Variants in LMO3 observed in about 807,000 individuals in gnomAD.
LMO3 encodes LIM domain only protein 3.
A neutral mutation model predicts 15.8 loss-of-function variants in LMO3; 2 were observed. That is an observed-to-expected ratio of 0.13 (90% CI 0.05 to 0.40). The LOEUF (loss-of-function observed/expected upper bound fraction) is 0.40. LMO3 is among the 10% of genes least tolerant of loss of function. LMO3 has a pLI of 0.99. For missense variants in LMO3, 86 were observed against 182.2 expected (o/e 0.47, Z 3.04); for synonymous variants, 62 against 63.8 (o/e 0.97, Z 0.13).
At chr12:16,605,444 C>A (rs866982907) in intron 1 of LMO3, 65 of 775,496 alleles carry the variant, frequency 8.4e-5, no homozygotes, top group East Asian at 1.4e-4. Context: ...CTGCCCCCCC[C>A]CCCCGCCCCC....
intron 2 of LMO3, chr12:16,594,349 A>G: frequency 1.5e-6 from 2 of 1,300,622 alleles, no homozygotes; most frequent in Non-Finnish European, 1.0e-6. Flanking sequence ...AAAATAAAAA[A>G]GAAAGAAAAA....
Position 16,585,936 on chromosome 12 carries a change from C to T in LMO3, c.206+14719G>A, listed in dbSNP as rs12366554. On this transcript the variant is annotated intron_variant, in intron 2 of 3. Coordinates refer to ENST00000537304, the MANE Select transcript of LMO3 (RefSeq NM_018640.5). This position sits in a 1 kb window ranked among gnomAD's most constrained non-coding sequence, Gnocchi z 4.7. Reference sequence around the variant, plus strand: ...AATCTTGCTTATCCTAAGATCTGGGCGACATTTCACCAGTGAGGCGGTAGG... The same window carrying T: ...AATCTTGCTTATCCTAAGATCTGGGTGACATTTCACCAGTGAGGCGGTAGG... 3.0e-4 allele frequency among the ~76,000 whole-genome samples: 45 copies of T among 152,166 alleles called. No homozygotes were observed. The East Asian group carries it at 4.8e-3, about 16-fold the overall frequency.
At chr12:16,594,089 G>A (rs533832882) in intron 2 of LMO3, 37 of 1,515,952 alleles carry the variant, frequency 2.4e-5, no homozygotes, top group South Asian at 2.3e-4. Context: ...CAATATTAAC[G>A]AATTAGCTGG....
intron 2 of LMO3, among the ~76,000 whole-genome samples, chr12:16,588,145 T>C (rs1943378698): frequency 6.6e-6 from 1 of 152,138 alleles, no homozygotes. Flanking sequence ...CAAGAAATGC[T>C]TAAAAAATTA....
At chr12:16,579,949 T>C (rs1267606737) in intron 2 of LMO3, among the ~76,000 whole-genome samples, 1 of 152,214 alleles carries the variant, frequency 6.6e-6, no homozygotes, top group Non-Finnish European at 1.5e-5. Flanking sequence ...TTAAGTAATG[T>C]TGCACAGGGT....
In LMO3 at chr12:16,590,904, T is replaced by C. The variant is rs555757060; in HGVS notation, c.206+9751A>G. 3.9e-5 allele frequency among the ~76,000 whole-genome samples: 6 copies of C among 152,074 alleles called. No homozygotes were observed. The East Asian group carries it at 1.2e-3, about 29-fold the overall frequency. On this transcript the variant is annotated intron_variant, in intron 2 of 3. Coordinates refer to ENST00000537304, the MANE Select transcript of LMO3 (RefSeq NM_018640.5). Reference sequence around the variant, plus strand: ...TTCATATTTCACAACTATTACTTAATCACACAGGGTCATCAATGGGGCCAA... The same window carrying C: ...TTCATATTTCACAACTATTACTTAACCACACAGGGTCATCAATGGGGCCAA...
chr12:16,604,692 G>T lies in LMO3; in HGVS notation c.-9+1374C>A. 4 of 682,738 alleles carry T rather than the reference G, an allele frequency of 5.9e-6. No homozygotes were observed. The highest frequency in any genetic ancestry group is 9.9e-6 in the Non-Finnish European group (4 of 403,532). 42.3% of individuals were successfully genotyped at this position (682,738 alleles called of 1,614,324 possible). On this transcript the variant is annotated intron_variant, in intron 1 of 3. Transcript: ENST00000537304. This position sits in a 1 kb window ranked among gnomAD's most constrained non-coding sequence, Gnocchi z 5.3. ...GTTTGCAAAGAATGTAGCAGTATTT[G>T]TTGCATCTAGCAAGATTAATTGGTT...
In LMO3 at chr12:16,549,274, T is replaced by C. The variant is rs1275299053; in HGVS notation, c.*1948A>G. The C allele has an allele frequency of 1.3e-5, 2 of 152,162 alleles. No homozygotes were observed. Among genetic ancestry groups the C allele is most frequent in the Admixed American group, 1.3e-4 (2 of 15,260 alleles). The allele number at this position is 152,162 out of a possible 1,614,324, so 9.4% of individuals were successfully genotyped here. A position where few individuals can be genotyped will look rare whatever the true frequency, so the allele number is the denominator to read the frequency against. On this transcript the variant is annotated 3_prime_UTR_variant, in exon 4 of 4. Transcript: ENST00000537304. ...AAGGCTCTAAGGCTAAAATAATAGT[T>C]ATTTTTGTGGGCCCCAAATAGCTAC...
chr12:16,592,612 C>G (rs773147524), intron 2 of LMO3, among the ~76,000 whole-genome samples: 1 of 151,868 alleles, frequency 6.6e-6, no homozygotes, highest in Non-Finnish European at 1.5e-5. Context: ...AGGTACTGAT[C>G]CACTCATGTT....
intron 2 of LMO3, among the ~76,000 whole-genome samples, chr12:16,590,558 G>A (rs1273420763): frequency 6.6e-6 from 1 of 151,464 alleles, no homozygotes; most frequent in African/African-American, 2.4e-5. Context: ...AAAATTAATG[G>A]CCTTTGAAAA....
At position 16,597,355 on chromosome 12, in the gene LMO3, AATT is replaced by A. The variant is rs910315074; in HGVS notation, c.206+3297_206+3299del. On this transcript the variant is annotated intron_variant, in intron 2 of 3. Coordinates refer to ENST00000537304, the MANE Select transcript of LMO3 (RefSeq NM_018640.5). The surrounding 1 kb of genome is among the most constrained non-coding windows in gnomAD (Gnocchi z 5.0). ...CCTTAAGAAAATATCTTACAGTCTA[AATT>A]ATTATATTTTCATATTATTTAATAT... is the stretch of plus-strand genomic sequence containing the variant. Among the ~76,000 whole-genome samples the A allele has an allele frequency of 2.0e-5, 3 of 151,754 alleles. No homozygotes were observed. The highest frequency in any genetic ancestry group is 3.0e-5 in the Non-Finnish European group (2 of 67,752).
intron 2 of LMO3, among the ~76,000 whole-genome samples, chr12:16,583,199 T>A (rs756793348): frequency 2.0e-5 from 3 of 152,088 alleles, no homozygotes; most frequent in Non-Finnish European, 4.4e-5. Context: ...AGCAATTGGA[T>A]GTCAGTAACA....
intron 2 of LMO3, among the ~76,000 whole-genome samples, chr12:16,563,290 T>C (rs1942468135): frequency 1.3e-5 from 2 of 152,170 alleles, no homozygotes; most frequent in African/African-American, 4.8e-5. Flanking sequence ...GATCATTCTA[T>C]AGCTACATTC....
chr12:16,553,958 C>A (rs1326515165), intron 3 of LMO3, among the ~76,000 whole-genome samples: 1 of 151,598 alleles, frequency 6.6e-6, no homozygotes, highest in Non-Finnish European at 1.5e-5. Flanking sequence ...TAAACATAAT[C>A]TTTCTTGTAA....
In LMO3 at chr12:16,594,417, T is replaced by C. The variant is rs369390264; in HGVS notation, c.206+6238A>G. Reference sequence around the variant, plus strand: ...GAGTTTTATAAAAATACCTAGCAAATTGAACAGAGTATTGCTATTTTTATT... The same window carrying C: ...GAGTTTTATAAAAATACCTAGCAAACTGAACAGAGTATTGCTATTTTTATT... On this transcript the variant is annotated intron_variant, in intron 2 of 3. Transcript: ENST00000537304. The C allele has an allele frequency of 6.3e-4, 357 of 563,798 alleles. 3 individuals carry two copies. Among genetic ancestry groups the C allele is most frequent in the Middle Eastern group, 1.4e-3 (3 of 2,202 alleles). The allele number at this position is 563,798 out of a possible 1,614,324, so 34.9% of individuals were successfully genotyped here. A position where few individuals can be genotyped will look rare whatever the true frequency, so the allele number is the denominator to read the frequency against.
chr12:16,596,623 A>T lies in LMO3; in HGVS notation c.206+4032T>A, dbSNP rs1176000813. Reference sequence around the variant, plus strand: ...AAGTTGAAAAAGAAAGTATTTTGGTATTTCTCCTAGTTCTATTTAATGCTT... The same window carrying T: ...AAGTTGAAAAAGAAAGTATTTTGGTTTTTCTCCTAGTTCTATTTAATGCTT... On this transcript the variant is annotated intron_variant, in intron 2 of 3. Transcript: ENST00000537304. This position sits in a 1 kb window ranked among gnomAD's most constrained non-coding sequence, Gnocchi z 4.3. Among the ~76,000 whole-genome samples, 1 of 151,670 alleles carries T rather than the reference A, an allele frequency of 6.6e-6. No individual in the cohort carries two copies. Among genetic ancestry groups the T allele is most frequent in the Non-Finnish European group, 1.5e-5 (1 of 67,668 alleles).
At chr12:16,605,303 G>C (rs1382199362) in intron 1 of LMO3, 2 of 1,170,176 alleles carry the variant, frequency 1.7e-6, no homozygotes, top group African/African-American at 1.6e-5. Flanking sequence ...AATCTGACTT[G>C]TATTTCATAA....
In LMO3 at chr12:16,582,873, C is replaced by T. The variant is rs1229477362; in HGVS notation, c.206+17782G>A. On this transcript the variant is annotated intron_variant, in intron 2 of 3. Coordinates refer to ENST00000537304, the MANE Select transcript of LMO3 (RefSeq NM_018640.5). This position sits in a 1 kb window ranked among gnomAD's most constrained non-coding sequence, Gnocchi z 4.1. ...GACCAGCCTGGCCAACATGGCGAAA[C>T]CCCGTCTCTACTAAAATAAAAAAAT... Among the ~76,000 whole-genome samples, 2 of 151,920 alleles carry T rather than the reference C, an allele frequency of 1.3e-5. No individual in the cohort carries two copies. Among genetic ancestry groups the T allele is most frequent in the East Asian group, 3.9e-4 (2 of 5,166 alleles).
At chr12:16,578,589 G>T (rs1001033388) in intron 2 of LMO3, among the ~76,000 whole-genome samples, 1 of 152,074 alleles carries the variant, frequency 6.6e-6, no homozygotes, top group Non-Finnish European at 1.5e-5. Context: ...AGGCTGAGGC[G>T]GGTGGATCAC....
Sources: gnomAD v4.1 joint callset for allele counts (sites outside exome capture counted in the v4.1 genomes callset) on GRCh38, gnomAD v4.1.1 for gene constraint, Gnocchi (gnomAD v3.1) non-coding constraint, MANE v1.5 for transcripts, NCBI Gene and HGNC (gene_info 2026-07-23, HGNC 2026-07-21) for gene names.